Variants in FIRRM observed in about 807,000 individuals in gnomAD.
The protein encoded by FIRRM is FIGNL1 interacting regulator of recombination and mitosis.
chr1:169,798,953 A>T, the FIRRM span: 1 of 1,288,292 alleles, frequency 7.8e-7, no homozygotes, highest in Non-Finnish European at 1.1e-6. Flanking sequence ...TGGATTGAGC[A>T]TATTCGTAAG....
the FIRRM span, chr1:169,793,784 T>A: frequency 7.8e-7 from 1 of 1,281,484 alleles, no homozygotes; most frequent in Non-Finnish European, 1.1e-6. Flanking sequence ...CCTCAATTAT[T>A]CAATTAGTTT....
At chr1:169,793,479 G>A in the FIRRM span, 2 of 1,614,146 alleles carry the variant, frequency 1.2e-6, no homozygotes, top group Non-Finnish European at 1.7e-6. Context: ...TCTGTGTCTT[G>A]AGAGGGAGCT....
chr1:169,806,084 A>G, the FIRRM span: 1 of 1,571,360 alleles, frequency 6.4e-7, no homozygotes, highest in Middle Eastern at 1.7e-4. Context: ...GAAGTTTATA[A>G]TTAAGTAAGT....
At chr1:169,810,571 G>A in the FIRRM span, among the ~76,000 whole-genome samples, 2 of 151,870 alleles carry the variant, frequency 1.3e-5, no homozygotes, top group African/African-American at 4.8e-5. Context: ...GAACACCAGT[G>A]ATAGTGATTA....
the FIRRM span, chr1:169,800,922 T>G: frequency 6.3e-7 from 1 of 1,598,742 alleles, no homozygotes; most frequent in East Asian, 2.2e-5. Flanking sequence ...TTACCTCATA[T>G]GAACCACCTG....
At chr1:169,792,860 C>T in the FIRRM span, 52 of 1,614,084 alleles carry the variant, frequency 3.2e-5, no homozygotes, top group Non-Finnish European at 4.4e-5. Flanking sequence ...TTTTTCACTA[C>T]TTAGTACAAG....
At chr1:169,794,797 G>C in the FIRRM span, 1 of 334,286 alleles carries the variant, frequency 3.0e-6, no homozygotes, top group South Asian at 3.4e-5. Flanking sequence ...TGAATGTAAT[G>C]TTTACAGTGA....
the FIRRM span, among the ~76,000 whole-genome samples, chr1:169,810,834 A>AATTTTT: frequency 4.9e-5 from 3 of 61,196 alleles, no homozygotes; most frequent in East Asian, 1.6e-3. Flanking sequence ...TTAGCCCCCA[A>AATTTTT]TTTTTTTTTT....
the FIRRM span, among the ~76,000 whole-genome samples, chr1:169,831,059 T>C: frequency 2.6e-5 from 4 of 152,346 alleles, no homozygotes; most frequent in Admixed American, 1.3e-4. Context: ...GAGCGACTTA[T>C]AATTGATGGC....
chr1:169,847,922 A>G, the FIRRM span: 1 of 615,810 alleles, frequency 1.6e-6, no homozygotes, highest in East Asian at 2.8e-5. Flanking sequence ...TTGGAAAAAA[A>G]AAACTATGTT....
At chr1:169,819,334 C>T in the FIRRM span, among the ~76,000 whole-genome samples, 1 of 152,174 alleles carries the variant, frequency 6.6e-6, no homozygotes, top group Non-Finnish European at 1.5e-5. Context: ...CAAGAGCATG[C>T]TTCTGATCCA....
the FIRRM span, chr1:169,853,099 ATAATCTT>A: frequency 1.0e-6 from 1 of 983,408 alleles, no homozygotes; most frequent in Non-Finnish European, 1.5e-6. Context: ...TCTAGTGAAA[ATAATCTT>A]TATTTGACAT....
chr1:169,821,785 A>G, the FIRRM span: 1 of 1,463,744 alleles, frequency 6.8e-7, no homozygotes, highest in Non-Finnish European at 9.5e-7. Flanking sequence ...ACGTTACTTT[A>G]TTTAATTGTA....
At chr1:169,793,380 G>C in the FIRRM span, 1 of 1,614,008 alleles carries the variant, frequency 6.2e-7, no homozygotes, top group Non-Finnish European at 8.5e-7. Flanking sequence ...AAATCTTTAG[G>C]CATAGCATGC....
the FIRRM span, among the ~76,000 whole-genome samples, chr1:169,828,768 A>G: frequency 3.3e-5 from 5 of 150,572 alleles, no homozygotes; most frequent in Non-Finnish European, 5.9e-5. Context: ...AGGTCTTCCA[A>G]CTCCTGGGCT....
At chr1:169,817,732 A>G in the FIRRM span, among the ~76,000 whole-genome samples, 1 of 152,188 alleles carries the variant, frequency 6.6e-6, no homozygotes, top group Non-Finnish European at 1.5e-5. Flanking sequence ...AGACAAATCT[A>G]TCTAATTTTA....
At chr1:169,812,900 C>T in the FIRRM span, among the ~76,000 whole-genome samples, 1 of 151,800 alleles carries the variant, frequency 6.6e-6, no homozygotes, top group Non-Finnish European at 1.5e-5. Context: ...TTTCATCTAC[C>T]CTATTTCTGC....
the FIRRM span, among the ~76,000 whole-genome samples, chr1:169,826,524 A>G: frequency 1.3e-5 from 2 of 151,380 alleles, no homozygotes; most frequent in African/African-American, 4.9e-5. Flanking sequence ...CACCACAACC[A>G]GCTAATTTTT....
At chr1:169,847,915 G>GAAAA in the FIRRM span, 2 of 550,832 alleles carry the variant, frequency 3.6e-6, no homozygotes, top group African/African-American at 4.0e-5. Context: ...GACAAAGTTG[G>GAAAA]AAAAAAAAAA....
Sources: allele counts gnomAD v4.1 joint callset (sites outside exome capture counted in the v4.1 genomes callset), GRCh38; gene constraint gnomAD v4.1.1; transcripts MANE v1.5; gene names NCBI Gene and HGNC (gene_info 2026-07-23, HGNC 2026-07-21).